The following CSMD1 variants were observed in gnomAD, a reference collection of about 807,000 sequenced individuals.
CSMD1 encodes CUB and Sushi multiple domains 1.
A neutral mutation model predicts 417.5 loss-of-function variants in CSMD1; 213 were observed. The ratio of observed to expected loss-of-function variants is 0.51; its 90% CI spans 0.46 to 0.57. The LOEUF (loss-of-function observed/expected upper bound fraction) is 0.57. Among genes scored for constraint, CSMD1 ranks in the 20% least tolerant of loss-of-function variants. CSMD1 has a pLI of 0.00. For missense variants in CSMD1, 6,923 were observed against 4,529.7 expected, an observed-to-expected ratio of 1.53 and a Z score of -15.17; for synonymous variants, 2,862 against 1,736.8, an observed-to-expected ratio of 1.65 and a Z score of -16.11.
At chr8:3,177,270 A>G (rs1194508846) in intron 37 of CSMD1, among the ~76,000 whole-genome samples, 1 of 152,130 alleles carries the variant, frequency 6.6e-6, no homozygotes, top group Non-Finnish European at 1.5e-5. Flanking sequence ...TTCCACCCAC[A>G]GGCCTCTATC....
intron 3 of CSMD1, among the ~76,000 whole-genome samples, chr8:4,175,222 T>A (rs1288924788): frequency 6.6e-6 from 1 of 152,124 alleles, no homozygotes; most frequent in African/African-American, 2.4e-5. Flanking sequence ...GTCACTAAGG[T>A]GATCTCACAA....
At chr8:4,750,541 T>C (rs1811248665) in intron 1 of CSMD1, among the ~76,000 whole-genome samples, 2 of 152,158 alleles carry the variant, frequency 1.3e-5, no homozygotes, top group Admixed American at 1.3e-4. Flanking sequence ...ATTTTGAAAA[T>C]TTTATCAGCA....
At chr8:4,413,940 T>G (rs987656684) in intron 3 of CSMD1, among the ~76,000 whole-genome samples, 2 of 152,198 alleles carry the variant, frequency 1.3e-5, no homozygotes, top group Non-Finnish European at 2.9e-5. Context: ...AAATTTTGCA[T>G]TTGTTTCAAG....
intron 1 of CSMD1, among the ~76,000 whole-genome samples, chr8:4,933,251 T>C (rs1431110568): frequency 2.0e-5 from 3 of 152,160 alleles, no homozygotes; most frequent in African/African-American, 7.2e-5. Flanking sequence ...ATGACGGCAC[T>C]AGTAAATTTT....
intron 3 of CSMD1, among the ~76,000 whole-genome samples, chr8:4,217,996 A>C (rs1585042244): frequency 6.6e-6 from 1 of 152,172 alleles, no homozygotes; most frequent in Non-Finnish European, 1.5e-5. Flanking sequence ...AAGAAGAAAT[A>C]TCCAACCTCA....
At chr8:3,567,314 TG>T (rs1799755795) in intron 10 of CSMD1, among the ~76,000 whole-genome samples, 2 of 151,848 alleles carry the variant, frequency 1.3e-5, no homozygotes, top group South Asian at 2.1e-4. Context: ...AAACAACTGT[TG>T]GGTACTGGGC....
chr8:4,081,479 T>G (rs959629407), intron 3 of CSMD1, among the ~76,000 whole-genome samples: 3 of 152,132 alleles, frequency 2.0e-5, no homozygotes, highest in Non-Finnish European at 2.9e-5. Context: ...AACACTAAAT[T>G]AGCCCTACAG....
intron 7 of CSMD1, among the ~76,000 whole-genome samples, chr8:3,636,244 T>C (rs1797039336): frequency 6.6e-6 from 1 of 152,170 alleles, no homozygotes; most frequent in Admixed American, 6.5e-5. Flanking sequence ...ACTGTCATTT[T>C]CTAGGACAAC....
chr8:4,437,090 C>T (rs1056861650), intron 2 of CSMD1, among the ~76,000 whole-genome samples: 5 of 151,960 alleles, frequency 3.3e-5, no homozygotes, highest in African/African-American at 7.2e-5. Flanking sequence ...AACAAATTTC[C>T]GAAAAAATGA....
intron 2 of CSMD1, among the ~76,000 whole-genome samples, chr8:4,470,451 T>G (rs192520539): frequency 1.2e-4 from 18 of 152,316 alleles, no homozygotes; most frequent in Non-Finnish European, 4.4e-5. Context: ...TGTAGACAGG[T>G]TGGGGTCATG....
intron 12 of CSMD1, among the ~76,000 whole-genome samples, chr8:3,439,668 T>G (rs1814842172): frequency 6.6e-6 from 1 of 152,190 alleles, no homozygotes; most frequent in African/African-American, 2.4e-5. Context: ...TAATAATCAA[T>G]TATTTGGTAA....
intron 3 of CSMD1, among the ~76,000 whole-genome samples, chr8:4,234,147 G>A (rs79540842): frequency 0.015 from 2,349 of 152,260 alleles, 59 homozygotes; most frequent in African/African-American, 0.053. Context: ...ATTCTTCATA[G>A]GACTGAGCAC....
At chr8:3,282,940 G>T (rs6983146) in intron 26 of CSMD1, among the ~76,000 whole-genome samples, 5,539 of 152,220 alleles carry the variant, frequency 0.036, 136 homozygotes, top group African/African-American at 0.073. Context: ...GGCTGACCTT[G>T]TGTGCTGCCC....
chr8:4,440,956 C>T (rs1798433250), intron 2 of CSMD1, among the ~76,000 whole-genome samples: 1 of 150,784 alleles, frequency 6.6e-6, no homozygotes, highest in Non-Finnish European at 1.5e-5. Flanking sequence ...GAGATCATGC[C>T]ACTGCACTTC....
rs183557520 is a variant in CSMD1 at position 4,939,741 on chromosome 8, T to C, written c.85+54591A>G. Reference sequence around the variant, plus strand: ...GTGATCTATTGTACAGCACAGAGAGTACGTGTGGAGTATGCAGTGTACTGC... The same window carrying C: ...GTGATCTATTGTACAGCACAGAGAGCACGTGTGGAGTATGCAGTGTACTGC... On this transcript the variant is annotated intron_variant, in intron 1 of 69. Coordinates refer to ENST00000635120, the MANE Select transcript of CSMD1 (RefSeq NM_033225.6). Among the ~76,000 whole-genome samples, 91 of 152,068 alleles carry C rather than the reference T, an allele frequency of 6.0e-4. 1 individual carries two copies. Among genetic ancestry groups the C allele is most frequent in the Non-Finnish European group, 1.0e-3 (70 of 67,978 alleles).
chr8:3,327,138 C>T (rs1396967544), intron 23 of CSMD1, among the ~76,000 whole-genome samples: 1 of 138,970 alleles, frequency 7.2e-6, no homozygotes, highest in African/African-American at 2.8e-5. Context: ...GACATCTTTA[C>T]AATACCATCT....
intron 25 of CSMD1, among the ~76,000 whole-genome samples, chr8:3,288,809 A>T (rs1327442431): frequency 3.4e-5 from 5 of 146,938 alleles, no homozygotes; most frequent in Non-Finnish European, 7.4e-5. Flanking sequence ...ACTAATTCCT[A>T]TAATTGTATT....
chr8:4,409,588 T>A (rs138553200), intron 3 of CSMD1, among the ~76,000 whole-genome samples: 1 of 152,134 alleles, frequency 6.6e-6, no homozygotes, highest in Admixed American at 6.5e-5. Context: ...GATGAATTTG[T>A]TCTGTGTACT....
intron 5 of CSMD1, among the ~76,000 whole-genome samples, chr8:3,760,624 A>T (rs955186970): frequency 2.4e-4 from 37 of 152,206 alleles, no homozygotes; most frequent in African/African-American, 8.7e-4. Flanking sequence ...CGCGTATGTG[A>T]CTTGAAAAAT....
Sources: allele counts gnomAD v4.1 joint callset (sites outside exome capture counted in the v4.1 genomes callset), GRCh38; gene constraint gnomAD v4.1.1; transcripts MANE v1.5; gene names NCBI Gene and HGNC (gene_info 2026-07-23, HGNC 2026-07-21).